Variants in ZNF638 observed in about 807,000 individuals in gnomAD.
ZNF638 encodes the protein zinc finger protein 638, also known as CTCL tumor antigen se33-1.
In ZNF638, 46 loss-of-function variants were observed where a neutral mutation model predicts 195.6. The ratio of observed to expected loss-of-function variants is 0.24; its 90% CI spans 0.19 to 0.30. The LOEUF (loss-of-function observed/expected upper bound fraction) is 0.30, where lower values mean the gene tolerates loss of function less well. ZNF638 is among the 10% of genes least tolerant of loss of function. The pLI, the probability that ZNF638 is intolerant of heterozygous loss-of-function variation, is 1.00. For synonymous variants in ZNF638, 845 were observed against 772.0 expected (o/e 1.09, Z -1.57); for missense variants, 2,440 against 2,325.3 (o/e 1.05, Z -1.01).
chr2:71,375,350 C>G (rs1356147944), intron 8 of ZNF638: 1 of 152,214 alleles, frequency 6.6e-6, no homozygotes, highest in Non-Finnish European at 1.5e-5. Context: ...GCAACAGCTC[C>G]ATAATATCTT....
At chr2:71,337,909 A>G (rs1573012730) in intron 1 of ZNF638, among the ~76,000 whole-genome samples, 1 of 152,160 alleles carries the variant, frequency 6.6e-6, no homozygotes, top group East Asian at 1.9e-4. Context: ...ACATTTTTGA[A>G]GAATACAATC....
intron 2 of ZNF638, among the ~76,000 whole-genome samples, chr2:71,352,969 T>C (rs2078966869): frequency 6.6e-6 from 1 of 152,198 alleles, no homozygotes; most frequent in South Asian, 2.1e-4. Flanking sequence ...ATGGGGCTCA[T>C]CTAAGTAATG....
intron 10 of ZNF638, chr2:71,388,667 A>C: frequency 1.0e-6 from 1 of 999,052 alleles, no homozygotes; most frequent in Non-Finnish European, 1.6e-6. Flanking sequence ...CGTGAGGAAC[A>C]CTGCAAGGGA....
chr2:71,423,535 G>GAA lies in ZNF638; in HGVS notation c.4024_4025dup (p.Val1343ArgfsTer8). On this transcript the variant is annotated frameshift_variant, in exon 22 of 28. Coordinates refer to ENST00000264447, the MANE Select transcript of ZNF638 (RefSeq NM_014497.5). LOFTEE classifies it high-confidence loss of function. The stretch of plus-strand genomic sequence containing the variant: ...AAAGAATGAAGGTAGGATGGATGCA[G>GAA]AAAAGGTGGAAAAGATGGCAGCAAT... 6.2e-7 allele frequency: 1 copy of GAA among 1,614,054 alleles called. No homozygotes were observed. Among genetic ancestry groups the GAA allele is most frequent in the Non-Finnish European group, 8.5e-7 (1 of 1,180,014 alleles).
At chr2:71,393,579 G>A (rs2079832273) in intron 10 of ZNF638, 1 of 718,040 alleles carries the variant, frequency 1.4e-6, no homozygotes, top group Non-Finnish European at 2.6e-6. Flanking sequence ...ACAAGGCTGA[G>A]CAAATCCTGC....
At chr2:71,406,390 T>C (rs2080106043) in intron 19 of ZNF638, 128 bp downstream of exon 19, 2 of 801,260 alleles carry the variant, frequency 2.5e-6, no homozygotes, top group South Asian at 3.8e-5. Context: ...GCAGAATTAT[T>C]ATAAACCAGA....
Position 71,350,147 on chromosome 2 carries a change from A to G in ZNF638, c.1193A>G (p.His398Arg). 6.2e-7 allele frequency: 1 copy of G among 1,613,922 alleles called. No homozygotes were observed. Residue 398 changes from histidine (H) to arginine (R), a missense_variant, in exon 2 of 28, where the codon CAT becomes CGT. Around this residue, in one of 5 missense-constraint regions of ZNF638, gnomAD observed 305 missense variants for 283.6 expected, o/e 1.08. Transcript: ENST00000264447. ...VKASWLPKFSHADAQKMKRLP... is the reference protein window; with the variant it reads ...VKASWLPKFSRADAQKMKRLP... ...GCATCCTGGCTACCAAAGTTTTCAC[A>G]TGCTGATGCCCAGAAGATGAAGAGA... is the stretch of plus-strand genomic sequence containing the variant.
intron 7 of ZNF638, 52 bp from the exon 8 acceptor site, chr2:71,369,831 G>A: frequency 6.6e-7 from 1 of 1,518,958 alleles, no homozygotes; most frequent in Non-Finnish European, 8.8e-7. Flanking sequence ...TTAAAATGCA[G>A]GAACTTTTAA....
At chr2:71,350,531 A>G (rs575057943) in intron 2 of ZNF638, among the ~76,000 whole-genome samples, 1 of 152,288 alleles carries the variant, frequency 6.6e-6, no homozygotes, top group Admixed American at 6.5e-5. Context: ...TAGTTATCCC[A>G]CTTACGCAAC....
At chr2:71,348,323 T>C (rs1034367307) in intron 1 of ZNF638, 2 of 846,652 alleles carry the variant, frequency 2.4e-6, no homozygotes, top group African/African-American at 3.7e-5. Flanking sequence ...AATGGGTCTT[T>C]TAGGCTTACA....
In ZNF638 at chr2:71,396,208, A is replaced by G; in HGVS notation, c.2428+17A>G. 1 of 1,604,624 alleles carries G rather than the reference A, an allele frequency of 6.2e-7. No individual in the cohort carries two copies. Among genetic ancestry groups the G allele is most frequent in the Non-Finnish European group, 8.5e-7 (1 of 1,174,654 alleles). On this transcript the variant is annotated intron_variant, in intron 11 of 27. Transcript: ENST00000264447. ...AATCTACAGGTATGTTTTTTTAATT[A>G]GGATTCTAGACTATTAGTTAAAACT...
At chr2:71,429,551 A>G (rs1373286719) in intron 25 of ZNF638, among the ~76,000 whole-genome samples, 1 of 152,214 alleles carries the variant, frequency 6.6e-6, no homozygotes, top group Non-Finnish European at 1.5e-5. Flanking sequence ...AAATTTGGCC[A>G]AGTTTTTCCC....
At chr2:71,396,701 T>C (rs546129744) in intron 11 of ZNF638, among the ~76,000 whole-genome samples, 2 of 152,320 alleles carry the variant, frequency 1.3e-5, no homozygotes, top group African/African-American at 2.4e-5. Context: ...TCCCATCACT[T>C]TGGGAGACCG....
At chr2:71,426,346 A>C in intron 23 of ZNF638, 114 bp from the exon 24 acceptor site, 5 of 778,756 alleles carry the variant, frequency 6.4e-6, no homozygotes, top group Admixed American at 3.2e-5. Context: ...TAGGAAAACT[A>C]ATTTGCACTG....
Position 71,365,630 on chromosome 2 carries a change from A to C in ZNF638, c.1919A>C (p.Lys640Thr). 1 of 1,614,072 alleles carries C rather than the reference A, an allele frequency of 6.2e-7. No homozygotes were observed. The highest frequency in any genetic ancestry group is 1.3e-5 in the African/African-American group (1 of 75,060). Reference sequence around the variant, plus strand: ...CTAGGAGGACATTCTATTCGTTGTAAATCAAAGAATCTTGAAGATGACACT... The same window carrying C: ...CTAGGAGGACATTCTATTCGTTGTACATCAAAGAATCTTGAAGATGACACT... Reference protein sequence around the residue: ...SNLGGHSIRCKSKNLEDDTLS... With the variant: ...SNLGGHSIRCTSKNLEDDTLS... Residue 640 changes from lysine (K) to threonine (T), a missense_variant, in exon 6 of 28, where the codon AAA (lysine) becomes ACA (threonine). By Grantham distance (78) the Lys-to-Thr change is moderately conservative (BLOSUM62 -1). Around this residue, in one of 5 missense-constraint regions of ZNF638, gnomAD observed 1,883 missense variants for 1,739.1 expected, o/e 1.08. Transcript: ENST00000264447.
At chr2:71,347,024 T>C (rs1440856057) in intron 1 of ZNF638, among the ~76,000 whole-genome samples, 1 of 148,878 alleles carries the variant, frequency 6.7e-6, no homozygotes, top group Non-Finnish European at 1.5e-5. Flanking sequence ...TCCCTGTCTT[T>C]AAAAAAAGAA....
intron 10 of ZNF638, among the ~76,000 whole-genome samples, chr2:71,393,240 A>C (rs1365195532): frequency 2.6e-5 from 4 of 152,214 alleles, no homozygotes; most frequent in African/African-American, 9.6e-5. Context: ...TTAAATGATA[A>C]ATTTCAATCA....
chr2:71,418,280 G>T (rs1318174392), intron 20 of ZNF638: 1 of 200,242 alleles, frequency 5.0e-6, no homozygotes, highest in Non-Finnish European at 1.0e-5. Context: ...CAAGGAAGAT[G>T]TTGATATTTC....
At chr2:71,432,022 A>G (rs1296151210) in intron 26 of ZNF638, among the ~76,000 whole-genome samples, 1 of 152,210 alleles carries the variant, frequency 6.6e-6, no homozygotes, top group Non-Finnish European at 1.5e-5. Flanking sequence ...GCCCAGGCAG[A>G]AAGTCACTCC....
Sources: allele counts gnomAD v4.1 joint callset (sites outside exome capture counted in the v4.1 genomes callset), GRCh38; gene constraint gnomAD v4.1.1; regional missense constraint gnomAD v4.1.1; transcripts MANE v1.5; gene names NCBI Gene and HGNC (gene_info 2026-07-23, HGNC 2026-07-21).